The following NLGN1 variants were observed in gnomAD, a reference collection of about 807,000 sequenced individuals.
The protein encoded by NLGN1 is neuroligin-1.
NLGN1 carries 12 observed loss-of-function variants against 65.5 expected under a neutral mutation model. The observed-to-expected ratio is 0.18, with a 90% CI of 0.12 to 0.30. NLGN1 has a LOEUF of 0.30. Among genes scored for constraint, NLGN1 ranks in the 10% least tolerant of loss-of-function variants. NLGN1 has a pLI of 1.00. For synonymous variants in NLGN1, 350 were observed against 359.5 expected, an observed-to-expected ratio of 0.97 and a Z score of 0.30; for missense variants, 750 against 1,007.1, an observed-to-expected ratio of 0.74 and a Z score of 3.46.
intron 4 of NLGN1, among the ~76,000 whole-genome samples, chr3:174,011,840 A>G (rs543326458): frequency 6.7e-6 from 1 of 150,088 alleles, no homozygotes; most frequent in South Asian, 2.1e-4. Flanking sequence ...AAAACCTAAG[A>G]AAAAACCTTC....
intron 4 of NLGN1, among the ~76,000 whole-genome samples, chr3:174,180,216 T>C (rs1450701922): frequency 6.6e-6 from 1 of 151,600 alleles, no homozygotes; most frequent in Non-Finnish European, 1.5e-5. Context: ...GAGGTGGGAG[T>C]AAAGTATCAA....
At chr3:174,056,919 T>TA (rs898312566) in intron 4 of NLGN1, among the ~76,000 whole-genome samples, 7 of 149,250 alleles carry the variant, frequency 4.7e-5, no homozygotes, top group African/African-American at 1.5e-4. Flanking sequence ...TATATATATA[T>TA]TTTTTTTCAT....
At chr3:174,174,350 G>A (rs1409612802) in intron 4 of NLGN1, among the ~76,000 whole-genome samples, 1 of 152,058 alleles carries the variant, frequency 6.6e-6, no homozygotes. Context: ...TAGTGGGATT[G>A]CTGGATCAAA....
At chr3:173,574,890 T>G (rs1315347131) in intron 2 of NLGN1, among the ~76,000 whole-genome samples, 1 of 152,160 alleles carries the variant, frequency 6.6e-6, no homozygotes, top group Non-Finnish European at 1.5e-5. Flanking sequence ...CTCCAATAAT[T>G]ATTTAAAAAA....
intron 4 of NLGN1, among the ~76,000 whole-genome samples, chr3:174,072,313 G>A (rs1740071493): frequency 1.3e-5 from 2 of 152,146 alleles, no homozygotes; most frequent in South Asian, 4.1e-4. Context: ...CTTGGGGAAG[G>A]AAGCAGAGGA....
chr3:174,209,277 C>T (rs893521343), intron 4 of NLGN1, among the ~76,000 whole-genome samples: 8 of 152,128 alleles, frequency 5.3e-5, no homozygotes, highest in African/African-American at 1.9e-4. Context: ...TTTGTTAAAA[C>T]CTACCTCCAT....
chr3:173,580,942 G>A (rs936072285), intron 2 of NLGN1, among the ~76,000 whole-genome samples: 2 of 151,962 alleles, frequency 1.3e-5, no homozygotes, highest in Non-Finnish European at 2.9e-5. Context: ...TTTGGATTAT[G>A]CCCAGTATAC....
At chr3:173,697,535 C>G (rs1045278098) in intron 3 of NLGN1, among the ~76,000 whole-genome samples, 16 of 148,080 alleles carry the variant, frequency 1.1e-4, no homozygotes, top group African/African-American at 4.0e-4. Context: ...GAAAGATTTT[C>G]TTTTTTTTTT....
chr3:173,422,483 T>TA, intron 1 of NLGN1, among the ~76,000 whole-genome samples: 1 of 152,360 alleles, frequency 6.6e-6, no homozygotes, highest in South Asian at 2.1e-4. Context: ...CTTTTGGATA[T>TA]ACCCAGCAGT....
At chr3:174,262,363 T>C (rs1747099191) in intron 4 of NLGN1, among the ~76,000 whole-genome samples, 1 of 120,182 alleles carries the variant, frequency 8.3e-6, no homozygotes, top group Middle Eastern at 3.5e-3. Flanking sequence ...CAATTTCAGC[T>C]CCTGTTATTG....
intron 2 of NLGN1, among the ~76,000 whole-genome samples, chr3:173,564,733 A>G (rs1271068085): frequency 6.6e-6 from 1 of 152,254 alleles, no homozygotes; most frequent in Admixed American, 6.5e-5. Context: ...CAAGAAGTCA[A>G]TCATTGTTGC....
At chr3:174,179,492 T>G (rs575856104) in intron 4 of NLGN1, among the ~76,000 whole-genome samples, 3 of 152,148 alleles carry the variant, frequency 2.0e-5, no homozygotes, top group African/African-American at 7.2e-5. Flanking sequence ...AAGCGGATTT[T>G]TTTTGTCTCC....
At chr3:173,699,145 C>T (rs372456744) in intron 3 of NLGN1, among the ~76,000 whole-genome samples, 19 of 152,112 alleles carry the variant, frequency 1.2e-4, no homozygotes, top group Non-Finnish European at 1.6e-4. Context: ...CGTGAGCCAC[C>T]GCACCTGGCT....
chr3:174,026,028 AT>A (rs1560870277), intron 4 of NLGN1, among the ~76,000 whole-genome samples: 1 of 152,228 alleles, frequency 6.6e-6, no homozygotes, highest in South Asian at 2.1e-4. Flanking sequence ...GCCAAAGACT[AT>A]GTTCATTATT....
chr3:173,995,624 G>C (rs1420438993), intron 4 of NLGN1, among the ~76,000 whole-genome samples: 1 of 149,758 alleles, frequency 6.7e-6, no homozygotes, highest in Non-Finnish European at 1.5e-5. Flanking sequence ...GCCCCAATTA[G>C]TGTTAGACTT....
intron 4 of NLGN1, among the ~76,000 whole-genome samples, chr3:173,818,646 G>C (rs931010579): frequency 2.6e-5 from 4 of 152,076 alleles, no homozygotes; most frequent in Non-Finnish European, 4.4e-5. Flanking sequence ...TAGCCCTTAG[G>C]TAGATATTTG....
At chr3:173,655,223 A>T (rs1423824201) in intron 3 of NLGN1, among the ~76,000 whole-genome samples, 3 of 152,160 alleles carry the variant, frequency 2.0e-5, no homozygotes, top group Non-Finnish European at 4.4e-5. Context: ...CTGTAATAGG[A>T]TTTATTTAAG....
chr3:173,703,711 C>A (rs1767603833), intron 3 of NLGN1, among the ~76,000 whole-genome samples: 2 of 152,152 alleles, frequency 1.3e-5, no homozygotes, highest in Admixed American at 1.3e-4. Flanking sequence ...TAGTGTCATA[C>A]TTTGCAGTCT....
At position 173,755,231 on chromosome 3, in the gene NLGN1, C is replaced by T. The variant is rs192206170; in HGVS notation, c.494-52449C>T. On this transcript the variant is annotated intron_variant, in intron 3 of 6. Transcript: ENST00000457714. ...TACTATGTGTATTATCAAGGTTTAC[C>T]AATATTCTGATGTTATATTGGTATA... Among the ~76,000 whole-genome samples the T allele has an allele frequency of 2.1e-3, 322 of 151,898 alleles. 1 individual carries two copies. Among genetic ancestry groups the T allele is most frequent in the African/African-American group, 7.2e-3 (297 of 41,442 alleles).
Sources: allele counts gnomAD v4.1 joint callset (sites outside exome capture counted in the v4.1 genomes callset), GRCh38; gene constraint gnomAD v4.1.1; transcripts MANE v1.5; gene names NCBI Gene and HGNC (gene_info 2026-07-23, HGNC 2026-07-21).